The following DYSF variants were observed in gnomAD, a reference collection of about 807,000 sequenced individuals.
DYSF encodes the protein dystrophy-associated fer-1-like 1.
DYSF carries 212 observed loss-of-function variants against 274.9 expected under a neutral mutation model. The observed-to-expected ratio is 0.77, with a 90% CI of 0.69 to 0.86. The LOEUF (loss-of-function observed/expected upper bound fraction) is 0.86, where lower values mean the gene tolerates loss of function less well. DYSF is among the 40% of genes least tolerant of loss of function. The pLI is 0.00. For missense variants in DYSF, 2,666 were observed against 2,783.2 expected (o/e 0.96, Z 0.95); for synonymous variants, 1,091 against 1,078.7 (o/e 1.01, Z -0.22).
chr2:71,637,343 A>C (rs1315953898), intron 41 of DYSF, among the ~76,000 whole-genome samples: 1 of 152,154 alleles, frequency 6.6e-6, no homozygotes, highest in Non-Finnish European at 1.5e-5. Flanking sequence ...CAAGCCGAGC[A>C]CCCACAGGAG....
chr2:71,553,691 T>C lies in DYSF; in HGVS notation c.1985-116T>C, dbSNP rs2303597. The C allele has an allele frequency of 0.68, 856,859 of 1,262,774 alleles. 301,848 individuals are homozygous for C. Among genetic ancestry groups the C allele is most frequent in the African/African-American group, 0.85 (56,836 of 67,024 alleles). The allele number at this position is 1,262,774 out of a possible 1,614,324, so 78.2% of individuals were successfully genotyped here. A position where few individuals can be genotyped will look rare whatever the true frequency, so the allele number is the denominator to read the frequency against. The stretch of plus-strand genomic sequence containing the variant: ...CTGTCTCTGTCCCACGTGTGGTCCC[T>C]TTCCCAGCTCTGCCAGTCCTAGCCC... On this transcript the variant is annotated intron_variant, in intron 20 of 55. Coordinates refer to ENST00000410020, the MANE Select transcript of DYSF (RefSeq NM_001130987.2).
At position 71,561,841 on chromosome 2, in the gene DYSF, T is replaced by C. The variant is rs1287935605; in HGVS notation, c.2306T>C (p.Ile769Thr). The change falls in exon 23 of 56, where the codon ATC (isoleucine) becomes ACC (threonine). Residue 769 changes from isoleucine to threonine, a missense_variant. Coordinates refer to ENST00000410020, the MANE Select transcript of DYSF (RefSeq NM_001130987.2). ...CTGCGCACCCATCACCTGAGCCAAA[T>C]CACTGAGGCTGCCCTGGCCCTGAAG... is the stretch of plus-strand genomic sequence containing the variant. ...YQLRTHHLSQ[I>T]TEAALALKLG... 1 of 1,614,092 alleles carries C rather than the reference T, an allele frequency of 6.2e-7. No individual in the cohort carries two copies. The highest frequency in any genetic ancestry group is 2.2e-5 in the East Asian group (1 of 44,860).
intron 44 of DYSF, among the ~76,000 whole-genome samples, chr2:71,659,547 C>T (rs547535003): frequency 1.3e-5 from 2 of 152,164 alleles, no homozygotes; most frequent in African/African-American, 2.4e-5. Flanking sequence ...GTAACACTCA[C>T]CCGGTCTTTA....
intron 29 of DYSF, among the ~76,000 whole-genome samples, chr2:71,571,326 ACG>A (rs1235182784): frequency 9.4e-5 from 14 of 148,386 alleles, no homozygotes; most frequent in Middle Eastern, 3.6e-3. Flanking sequence ...CACCCAGCAC[ACG>A]CACAGCTCAC....
chr2:71,557,542 G>A (rs1190184798), intron 22 of DYSF, among the ~76,000 whole-genome samples: 1 of 152,136 alleles, frequency 6.6e-6, no homozygotes, highest in African/African-American at 2.4e-5. Context: ...TGGTGGTGGC[G>A]GCGAATGGCA....
chr2:71,574,217 A>C lies in DYSF; in HGVS notation c.3248A>C (p.Glu1083Ala). 6.2e-7 allele frequency: 1 copy of C among 1,613,332 alleles called. No individual in the cohort carries two copies. Among genetic ancestry groups the C allele is most frequent in the Non-Finnish European group, 8.5e-7 (1 of 1,179,998 alleles). The change falls in exon 30 of 56, where the codon GAG (glutamate) becomes GCG (alanine). Residue 1083 changes from glutamate (E) to alanine (A), a missense_variant. Glu to Ala is a moderately radical substitution (Grantham distance 107). Coordinates refer to ENST00000410020, the MANE Select transcript of DYSF (RefSeq NM_001130987.2). ...GTGCAGCACAGGCAGGCGGAGGCGGAGGGCGAGGGCTGGGAGTACGCCTCT... is the reference window on the plus strand; with the variant it reads ...GTGCAGCACAGGCAGGCGGAGGCGGCGGGCGAGGGCTGGGAGTACGCCTCT... ...ALKRHRQAEA[E>A]GEGWEYASLF... is the part of the protein sequence containing the mutation.
In DYSF at chr2:71,602,807, T is replaced by C; in HGVS notation, c.3957+2T>C. ...GAGACATCAAGGATCCTGGATGAGG[T>C]GAGCTGGGCGTGGTGGTTGGGATGG... On this transcript the variant is annotated splice_donor_variant, in intron 36 of 55. Coordinates refer to ENST00000410020, the MANE Select transcript of DYSF (RefSeq NM_001130987.2). LOFTEE classifies it high-confidence loss of function. 2 of 1,612,944 alleles carry C rather than the reference T, an allele frequency of 1.2e-6. No individual in the cohort carries two copies. Among genetic ancestry groups the C allele is most frequent in the Non-Finnish European group, 1.7e-6 (2 of 1,179,834 alleles).
chr2:71,520,908 A>G lies in DYSF; in HGVS notation c.1149+4A>G, dbSNP rs761302882. ...GGGGCCTGGGGACGAAGCGCCTGTG[A>G]GTACATTTCCCTGGGTCTTCCTTAC... is the stretch of plus-strand genomic sequence containing the variant. On this transcript the variant is annotated splice_donor_region_variant and intron_variant, in intron 12 of 55. Transcript: ENST00000410020. 3.1e-6 allele frequency: 5 copies of G among 1,613,972 alleles called. No homozygotes were observed. In the South Asian group the frequency reaches 5.5e-5, roughly 18 times the overall value.
rs1293857367 is a variant in DYSF, at chr2:71,681,111, G to T, written c.6173+1G>T. ...TGAACCCTAAGCTTGAGGACCCAAG[G>T]TCAGTGCCCAGCCCCTGAGCCCCAA... On this transcript the variant is annotated splice_donor_variant, in intron 54 of 55. Coordinates refer to ENST00000410020, the MANE Select transcript of DYSF (RefSeq NM_001130987.2). LOFTEE classifies it high-confidence loss of function. 1 of 1,613,790 alleles carries T rather than the reference G, an allele frequency of 6.2e-7. No homozygotes were observed. Among genetic ancestry groups the T allele is most frequent in the Non-Finnish European group, 8.5e-7 (1 of 1,179,944 alleles).
At chr2:71,570,786 G>A (rs1459044885) in intron 29 of DYSF, 45 bp downstream of exon 29, 1 of 1,610,536 alleles carries the variant, frequency 6.2e-7, no homozygotes, top group African/African-American at 1.3e-5. Context: ...GTGGTCACAG[G>A]TGGCCAGTAG....
Position 71,586,994 on chromosome 2 carries a change from G to A in DYSF, c.3403-2599G>A, listed in dbSNP as rs368105673. 6.3e-4 allele frequency among the ~76,000 whole-genome samples: 96 copies of A among 152,308 alleles called. 3 individuals are homozygous for A. In the South Asian group the frequency reaches 0.019, roughly 30 times the overall value. On this transcript the variant is annotated intron_variant, in intron 30 of 55. Coordinates refer to ENST00000410020, the MANE Select transcript of DYSF (RefSeq NM_001130987.2). ...TACCGGTGCCCCAGCAGCTAGAGGTGCTGAGATGCAGGCATCACGCACTGT... is the reference window on the plus strand; with the variant it reads ...TACCGGTGCCCCAGCAGCTAGAGGTACTGAGATGCAGGCATCACGCACTGT...
At position 71,666,097 on chromosome 2, in the gene DYSF, G is replaced by C. The variant is rs530753818; in HGVS notation, c.5317+793G>C. 3.5e-5 allele frequency among the ~76,000 whole-genome samples: 5 copies of C among 144,774 alleles called. No homozygotes were observed. The South Asian group carries it at 8.8e-4, about 26-fold the overall frequency. The allele number at this position is 144,774 out of a possible 152,430, so 95.0% of individuals were successfully genotyped here. A position where few individuals can be genotyped will look rare whatever the true frequency, so the allele number is the denominator to read the frequency against. ...ACTCTCCCAGGTCATGGCTGAGCCA[G>C]GCTCGGCCATAAGGCGCCCCCAGCC... On this transcript the variant is annotated intron_variant, in intron 47 of 55. Coordinates refer to ENST00000410020, the MANE Select transcript of DYSF (RefSeq NM_001130987.2).
chr2:71,617,564 A>ATGTGGTAGAGGTGGTGTGTGTGTG (rs1200662888), intron 40 of DYSF, among the ~76,000 whole-genome samples: 1 of 150,446 alleles, frequency 6.6e-6, no homozygotes, highest in African/African-American at 2.5e-5. Flanking sequence ...GTATGAGTGT[A>ATGTGGTAGAGGTGGTGTGTGTGTG]TGTGGTAGAG....
chr2:71,656,319 G>A (rs1364259452), intron 43 of DYSF, 29 bp downstream of exon 43: 3 of 1,612,714 alleles, frequency 1.9e-6, no homozygotes, highest in African/African-American at 1.3e-5. Flanking sequence ...CCCTAACCCA[G>A]GTGGGCCTAA....
Position 71,515,730 on chromosome 2 carries a change from A to G in DYSF, c.867A>G (p.Gly289=). The G allele has an allele frequency of 6.2e-7, 1 of 1,614,128 alleles. No individual in the cohort carries two copies. The highest frequency in any genetic ancestry group is 8.5e-7 in the Non-Finnish European group (1 of 1,180,014). The change falls in exon 8 of 56, where the codon GGA becomes GGG. Residue 289 remains glycine, a synonymous_variant. Coordinates refer to ENST00000410020, the MANE Select transcript of DYSF (RefSeq NM_001130987.2). ...GQTKRTRIHK[G]NSPLFNETLF... is the part of the protein sequence containing the mutation. ...CCAAGCGGACGCGGATCCACAAGGG[A>G]AACAGCCCACTCTTCAATGAGGTGG...
At chr2:71,588,964 G>T (rs1436093558) in intron 30 of DYSF, among the ~76,000 whole-genome samples, 1 of 152,140 alleles carries the variant, frequency 6.6e-6, no homozygotes, top group African/African-American at 2.4e-5. Context: ...AGTGGTTGGA[G>T]CCCAGTGCTA....
intron 46 of DYSF, 26 bp downstream of exon 46, chr2:71,664,464 G>C (rs772108255): frequency 3.1e-6 from 5 of 1,613,010 alleles, no homozygotes; most frequent in Non-Finnish European, 4.2e-6. Context: ...CTGGCTGCCT[G>C]CTTCTCTGAC....
chr2:71,554,457 C>T (rs527285699), intron 21 of DYSF, among the ~76,000 whole-genome samples: 6 of 152,102 alleles, frequency 3.9e-5, no homozygotes, highest in East Asian at 1.9e-4. Flanking sequence ...TGTGGGGCTC[C>T]GAGCAGGGCA....
intron 40 of DYSF, among the ~76,000 whole-genome samples, chr2:71,616,859 T>C (rs576104311): frequency 6.0e-4 from 91 of 152,218 alleles, no homozygotes; most frequent in Non-Finnish European, 9.6e-4. Context: ...TCTCTGATTC[T>C]GTCTCTGACT....
Sources: allele counts gnomAD v4.1 joint callset (sites outside exome capture counted in the v4.1 genomes callset), GRCh38; gene constraint gnomAD v4.1.1; transcripts MANE v1.5; gene names NCBI Gene and HGNC (gene_info 2026-07-23, HGNC 2026-07-21).